The following MTHFD1 variants were observed in gnomAD, a reference collection of about 807,000 sequenced individuals.
MTHFD1 encodes C-1-tetrahydrofolate synthase, cytoplasmic.
Under a neutral mutation model 110.3 loss-of-function variants are expected in MTHFD1, and 44 were observed. The observed-to-expected ratio is 0.40, with a 90% CI of 0.31 to 0.51. The LOEUF is 0.51. MTHFD1 is among the 20% of genes least tolerant of loss of function. MTHFD1 has a pLI of 0.60. For synonymous variants in MTHFD1, 402 were observed against 428.8 expected (o/e 0.94, Z 0.77); for missense variants, 909 against 1,173.1 (o/e 0.77, Z 3.29).
chr14:64,405,063 C>A (rs999826653), intron 2 of MTHFD1, among the ~76,000 whole-genome samples: 2 of 152,176 alleles, frequency 1.3e-5, no homozygotes, highest in African/African-American at 4.8e-5. Flanking sequence ...CACAGAAGGC[C>A]TGTCACTCTC....
chr14:64,432,050 G>T (rs901546104), intron 15 of MTHFD1, among the ~76,000 whole-genome samples, 189 bp downstream of exon 15: 1 of 152,122 alleles, frequency 6.6e-6, no homozygotes, highest in Non-Finnish European at 1.5e-5. Flanking sequence ...CTATAGATTA[G>T]AAGTGGCTAG....
chr14:64,448,054 G>C, intron 22 of MTHFD1, 163 bp from the exon 23 acceptor site: 1 of 670,580 alleles, frequency 1.5e-6, no homozygotes, highest in African/African-American at 1.8e-5. Context: ...TCCACTCACC[G>C]CACTGGAAAA....
At chr14:64,457,230 A>G (rs1422161636) in intron 26 of MTHFD1, among the ~76,000 whole-genome samples, 1 of 152,202 alleles carries the variant, frequency 6.6e-6, no homozygotes, top group Non-Finnish European at 1.5e-5. Flanking sequence ...TCAGCTAGCA[A>G]GACTGAACGA....
rs113724882 is a variant in MTHFD1 at position 64,444,511 on chromosome 14, C to T, written c.2137-182C>T. 4.5e-3 allele frequency among the ~76,000 whole-genome samples: 688 copies of T among 152,210 alleles called. 8 individuals carry two copies. The highest frequency in any genetic ancestry group is 0.015 in the African/African-American group (631 of 41,526). ...GGTCTTCCACGCTGCCCAAAGCAGT[C>T]GATTTTGTTCTGTGCTGTGTGATTG... On this transcript the variant is annotated intron_variant, in intron 21 of 27. Transcript: ENST00000652337.
chr14:64,450,012 G>A (rs111315344), intron 24 of MTHFD1, among the ~76,000 whole-genome samples: 2 of 152,226 alleles, frequency 1.3e-5, no homozygotes, highest in African/African-American at 4.8e-5. Context: ...GGCTGGTCTC[G>A]AACTCCTGAC....
intron 24 of MTHFD1, among the ~76,000 whole-genome samples, chr14:64,453,201 T>G (rs1182188517): frequency 1.3e-5 from 2 of 152,166 alleles, no homozygotes; most frequent in African/African-American, 4.8e-5. Flanking sequence ...TGTATATGTA[T>G]ATCTGCATAT....
chr14:64,388,493 G>A (rs1377246605), intron 1 of MTHFD1, 25 bp downstream of exon 1: 1 of 1,607,166 alleles, frequency 6.2e-7, no homozygotes, highest in Non-Finnish European at 8.5e-7. Context: ...TTGTTGTTGA[G>A]TGTGGGGCTG....
In MTHFD1 at chr14:64,460,021, A is replaced by G. The variant is rs2078536153; in HGVS notation, c.*267A>G. The G allele has an allele frequency of 1.8e-6, 2 of 1,121,890 alleles. No individual in the cohort carries two copies. The highest frequency in any genetic ancestry group is 1.6e-5 in the African/African-American group (1 of 64,142). The allele number at this position is 1,121,890 out of a possible 1,614,324, so 69.5% of individuals were successfully genotyped here. The stretch of plus-strand genomic sequence containing the variant: ...AAGTTTGCCATCTTGGTGTTGCAAT[A>G]TGAATTACAGCCTTAACAGACTGTG... On this transcript the variant is annotated 3_prime_UTR_variant, in exon 28 of 28. Coordinates refer to ENST00000652337, the MANE Select transcript of MTHFD1 (RefSeq NM_005956.4).
At chr14:64,448,602 CT>C (rs2078316863) in intron 23 of MTHFD1, 1 of 436,882 alleles carries the variant, frequency 2.3e-6, no homozygotes, top group Non-Finnish European at 4.2e-6. Flanking sequence ...CTTTAGAGGC[CT>C]TTTATGCTAA....
chr14:64,442,441 G>A, intron 21 of MTHFD1, 39 bp downstream of exon 21: 5 of 1,607,724 alleles, frequency 3.1e-6, no homozygotes, highest in Non-Finnish European at 4.2e-6. Context: ...TCGGCAGTGT[G>A]CTGACGGCCA....
intron 24 of MTHFD1, among the ~76,000 whole-genome samples, 198 bp from the exon 25 acceptor site, chr14:64,453,556 C>T (rs1390564490): frequency 6.6e-6 from 1 of 152,058 alleles, no homozygotes; most frequent in Non-Finnish European, 1.5e-5. Flanking sequence ...GGCAACAGAG[C>T]GAAACTCCGT....
Position 64,420,465 on chromosome 14 carries a change from A to G in MTHFD1, c.727+540A>G, listed in dbSNP as rs890158868. On this transcript the variant is annotated intron_variant, in intron 8 of 27. Coordinates refer to ENST00000652337, the MANE Select transcript of MTHFD1 (RefSeq NM_005956.4). ...CCCTTACTCCCGTCTTTTGGTTAGT[A>G]TCACCATTCTTCCTTCCCGCAAGTC... Among the ~76,000 whole-genome samples, 5 of 152,104 alleles carry G rather than the reference A, an allele frequency of 3.3e-5. No homozygotes were observed. The East Asian group carries it at 7.7e-4, about 23-fold the overall frequency.
At chr14:64,458,727 T>A (rs2078515151) in intron 27 of MTHFD1, 1 of 244,844 alleles carries the variant, frequency 4.1e-6, no homozygotes, top group African/African-American at 2.3e-5. Flanking sequence ...GCAAATGTCT[T>A]AGGAAGTATA....
At position 64,435,560 on chromosome 14, in the gene MTHFD1, C is replaced by T. The variant is rs774616496; in HGVS notation, c.1495-9C>T. The stretch of plus-strand genomic sequence containing the variant: ...CTTATTTTATGTTTTCATTTTCCTA[C>T]ACTTTCAGAGACTAGGCATTGAAAA... On this transcript the variant is annotated splice_polypyrimidine_tract_variant and intron_variant, in intron 15 of 27. Transcript: ENST00000652337. The T allele has an allele frequency of 6.5e-7, 1 of 1,541,534 alleles. No individual in the cohort carries two copies. The highest frequency in any genetic ancestry group is 1.1e-5 in the South Asian group (1 of 89,564).
chr14:64,438,333 G>A (rs2078222510), intron 16 of MTHFD1, among the ~76,000 whole-genome samples: 1 of 152,134 alleles, frequency 6.6e-6, no homozygotes, highest in Non-Finnish European at 1.5e-5. Flanking sequence ...AAACTCAGGT[G>A]TGATCAAAAG....
intron 21 of MTHFD1, among the ~76,000 whole-genome samples, chr14:64,443,718 C>A (rs951141103): frequency 1.4e-4 from 22 of 152,116 alleles, no homozygotes; most frequent in Non-Finnish European, 2.6e-4. Flanking sequence ...TTCCCAGTCA[C>A]AACTAACATT....
chr14:64,393,030 G>C (rs983819495), intron 1 of MTHFD1, among the ~76,000 whole-genome samples: 2 of 152,172 alleles, frequency 1.3e-5, no homozygotes, highest in African/African-American at 2.4e-5. Context: ...AGGTCTTCTT[G>C]GTTACTAAGT....
At chr14:64,399,672 A>G (rs12888491) in intron 1 of MTHFD1, among the ~76,000 whole-genome samples, 45,726 of 149,954 alleles carry the variant, frequency 0.3, 8,750 homozygotes, top group South Asian at 0.44. Context: ...AAAAAAAAAA[A>G]AAAAGAAAAA....
chr14:64,451,979 A>G (rs2078379406), intron 24 of MTHFD1, among the ~76,000 whole-genome samples: 1 of 152,138 alleles, frequency 6.6e-6, no homozygotes, highest in Admixed American at 6.5e-5. Flanking sequence ...TTTTGTTTTT[A>G]TAGATAGATT....
Sources: gnomAD v4.1 joint callset for allele counts (sites outside exome capture counted in the v4.1 genomes callset) on GRCh38, gnomAD v4.1.1 for gene constraint, MANE v1.5 for transcripts, NCBI Gene and HGNC (gene_info 2026-07-23, HGNC 2026-07-21) for gene names.